CSMD1: variants seen among roughly 807,000 people sequenced by gnomAD.
CSMD1 encodes the protein CUB and Sushi multiple domains 1.
In CSMD1, 213 loss-of-function variants were observed where a neutral mutation model predicts 417.5. That is an observed-to-expected ratio of 0.51 (90% CI 0.46 to 0.57). The LOEUF (loss-of-function observed/expected upper bound fraction) is 0.57. Among genes scored for constraint, CSMD1 ranks in the 20% least tolerant of loss-of-function variants. CSMD1 has a pLI of 0.00. For synonymous variants in CSMD1, 2,862 were observed against 1,736.8 expected (o/e 1.65, Z -16.11); for missense variants, 6,923 against 4,529.7 (o/e 1.53, Z -15.17).
At chr8:3,942,405 G>T (rs993905704) in intron 5 of CSMD1, among the ~76,000 whole-genome samples, 8 of 152,090 alleles carry the variant, frequency 5.3e-5, no homozygotes, top group African/African-American at 1.7e-4. Flanking sequence ...AAGTGACACT[G>T]CTAAGGCAAA....
chr8:4,145,069 A>AAAGATTT (rs1804027953), intron 3 of CSMD1, among the ~76,000 whole-genome samples: 2 of 151,314 alleles, frequency 1.3e-5, no homozygotes, highest in Non-Finnish European at 2.9e-5. Context: ...TCTAAAATAC[A>AAAGATTT]AAGATTTAAG....
At chr8:3,928,089 T>G (rs1809875316) in intron 5 of CSMD1, among the ~76,000 whole-genome samples, 1 of 152,184 alleles carries the variant, frequency 6.6e-6, no homozygotes, top group Non-Finnish European at 1.5e-5. Context: ...CCTGAGTTTA[T>G]GAAAGTATAA....
intron 2 of CSMD1, among the ~76,000 whole-genome samples, chr8:4,570,333 T>G (rs1798823661): frequency 6.6e-6 from 1 of 151,734 alleles, no homozygotes. Context: ...AGTTTATTAT[T>G]TTTAGCATGA....
chr8:4,851,731 T>C (rs1466994901), intron 1 of CSMD1, among the ~76,000 whole-genome samples: 2 of 152,178 alleles, frequency 1.3e-5, no homozygotes, highest in African/African-American at 4.8e-5. Context: ...ACAAGAACCT[T>C]AAGACTTCTT....
intron 3 of CSMD1, among the ~76,000 whole-genome samples, chr8:4,128,260 G>C (rs564238614): frequency 6.6e-6 from 1 of 152,112 alleles, no homozygotes; most frequent in African/African-American, 2.4e-5. Context: ...CAATCCCGTG[G>C]AGGAATGCAT....
chr8:4,148,321 G>C (rs190494757), intron 3 of CSMD1, among the ~76,000 whole-genome samples: 2 of 137,916 alleles, frequency 1.5e-5, no homozygotes, highest in East Asian at 2.3e-4. Context: ...TGAACAATGA[G>C]AACACATAGA....
chr8:2,954,710 A>G lies in CSMD1; in HGVS notation c.9995-442T>C, dbSNP rs945229796. On this transcript the variant is annotated intron_variant, in intron 64 of 69. Coordinates refer to ENST00000635120, the MANE Select transcript of CSMD1 (RefSeq NM_033225.6). ...TACTGAAAAATTCAAAATTATTTCC[A>G]TTGCAGAATGTTCATTTTGGTCTAT... Among the ~76,000 whole-genome samples the G allele has an allele frequency of 5.3e-5, 8 of 152,364 alleles. No homozygotes were observed. The East Asian group carries it at 1.5e-3, about 29-fold the overall frequency.
chr8:4,127,331 C>A (rs962173461), intron 3 of CSMD1, among the ~76,000 whole-genome samples: 1 of 151,638 alleles, frequency 6.6e-6, no homozygotes, highest in Non-Finnish European at 1.5e-5. Flanking sequence ...TTCTTTCTGG[C>A]AGTACAAGCC....
At chr8:3,403,586 G>A (rs1161535) in intron 15 of CSMD1, among the ~76,000 whole-genome samples, 1 of 152,090 alleles carries the variant, frequency 6.6e-6, no homozygotes, top group South Asian at 2.1e-4. Flanking sequence ...CACCCTGCAG[G>A]TTGTAACATA....
At chr8:3,592,154 A>G (rs1800877642) in intron 8 of CSMD1, among the ~76,000 whole-genome samples, 1 of 152,164 alleles carries the variant, frequency 6.6e-6, no homozygotes, top group Admixed American at 6.5e-5. Flanking sequence ...GTAAGTAGAT[A>G]TCCATCTGGT....
intron 12 of CSMD1, among the ~76,000 whole-genome samples, chr8:3,434,622 T>A (rs1318634646): frequency 6.6e-6 from 1 of 152,204 alleles, no homozygotes; most frequent in Non-Finnish European, 1.5e-5. Context: ...TCCCATTTAT[T>A]AGTGTTAAAT....
In CSMD1 at chr8:4,116,744, G is replaced by A. The variant is rs963645882; in HGVS notation, c.416-84645C>T. Among the ~76,000 whole-genome samples the A allele has an allele frequency of 4.6e-5, 7 of 152,046 alleles. 1 individual carries two copies. The highest frequency in any genetic ancestry group is 7.2e-5 in the African/African-American group (3 of 41,424). Reference sequence around the variant, plus strand: ...AGGTGTTGCTAAAAGGGGCGGCTACGTGGAGAGGCAGGGGGTGCGGGAAAC... The same window carrying A: ...AGGTGTTGCTAAAAGGGGCGGCTACATGGAGAGGCAGGGGGTGCGGGAAAC... On this transcript the variant is annotated intron_variant, in intron 3 of 69. Coordinates refer to ENST00000635120, the MANE Select transcript of CSMD1 (RefSeq NM_033225.6).
At position 4,032,327 on chromosome 8, in the gene CSMD1, T is replaced by C. The variant is rs1184065967; in HGVS notation, c.416-228A>G. Among the ~76,000 whole-genome samples, 15 of 152,232 alleles carry C rather than the reference T, an allele frequency of 9.9e-5. 1 individual carries two copies. Among genetic ancestry groups the C allele is most frequent in the African/African-American group, 1.2e-4 (5 of 41,466 alleles). On this transcript the variant is annotated intron_variant, in intron 3 of 69. Transcript: ENST00000635120. ...TCATAAAGTGTAAATAAATGCATTT[T>C]GTTAAGAGAGAAAAATATAGTCCTG...
At chr8:4,544,566 G>C (rs866970505) in intron 2 of CSMD1, among the ~76,000 whole-genome samples, 4 of 152,002 alleles carry the variant, frequency 2.6e-5, no homozygotes. Context: ...GACACAGAAG[G>C]AAAAATTTAT....
chr8:4,407,374 T>C lies in CSMD1; in HGVS notation c.415+12579A>G, dbSNP rs564167385. ...TAAAACTCAATTTTTACTATGACTC[T>C]TGTTTAACAGGCTAGAAGGCAACTT... On this transcript the variant is annotated intron_variant, in intron 3 of 69. Coordinates refer to ENST00000635120, the MANE Select transcript of CSMD1 (RefSeq NM_033225.6). Among the ~76,000 whole-genome samples, 329 of 152,360 alleles carry C rather than the reference T, an allele frequency of 2.2e-3. 2 individuals are homozygous for C. The highest frequency in any genetic ancestry group is 7.7e-3 in the African/African-American group (319 of 41,578).
At chr8:4,091,720 C>T (rs760721087) in intron 3 of CSMD1, among the ~76,000 whole-genome samples, 5 of 152,292 alleles carry the variant, frequency 3.3e-5, no homozygotes, top group South Asian at 2.1e-4. Context: ...GCACAAGCCT[C>T]GCTTGGTGTG....
chr8:3,496,028 G>A (rs144376731), intron 10 of CSMD1, among the ~76,000 whole-genome samples: 35 of 152,284 alleles, frequency 2.3e-4, no homozygotes, highest in African/African-American at 8.2e-4. Context: ...AGCCCAGCAT[G>A]CATTAGCTCT....
At chr8:4,854,749 G>C (rs980754977) in intron 1 of CSMD1, among the ~76,000 whole-genome samples, 4 of 152,194 alleles carry the variant, frequency 2.6e-5, no homozygotes, top group African/African-American at 9.6e-5. Context: ...CCCACACCTG[G>C]CTCGGAGGGT....
At chr8:4,874,661 G>A (rs1802937537) in intron 1 of CSMD1, among the ~76,000 whole-genome samples, 1 of 151,822 alleles carries the variant, frequency 6.6e-6, no homozygotes, top group Non-Finnish European at 1.5e-5. Context: ...AGAGTCCTGG[G>A]ATCAGTTGGC....
Sources: gnomAD v4.1 joint callset for allele counts (sites outside exome capture counted in the v4.1 genomes callset) on GRCh38, gnomAD v4.1.1 for gene constraint, MANE v1.5 for transcripts, NCBI Gene and HGNC (gene_info 2026-07-23, HGNC 2026-07-21) for gene names.